C9: variants seen among roughly 807,000 people sequenced by gnomAD.
The protein encoded by C9 is complement component C9.
A neutral mutation model predicts 65.4 loss-of-function variants in C9; 63 were observed. That is an observed-to-expected ratio of 0.96 (90% CI 0.79 to 1.19). The LOEUF is 1.19. Ranked by LOEUF, C9 falls within the 50% of genes most tolerant of loss-of-function variation. The pLI is 0.00. For missense variants in C9, 744 were observed against 670.1 expected (o/e 1.11, Z -1.22); for synonymous variants, 229 against 227.9 (o/e 1.00, Z -0.04).
intron 1 of C9, among the ~76,000 whole-genome samples, chr5:39,362,512 C>G (rs1187184978): frequency 6.6e-6 from 1 of 152,124 alleles, no homozygotes; most frequent in Non-Finnish European, 1.5e-5. Flanking sequence ...AGACTTCTAA[C>G]CTCCAGAACT....
intron 5 of C9, among the ~76,000 whole-genome samples, chr5:39,321,971 T>C (rs951163102): frequency 6.6e-6 from 1 of 152,026 alleles, no homozygotes; most frequent in African/African-American, 2.4e-5. Context: ...TAAGGAAACA[T>C]TGGAACTGAA....
intron 10 of C9, among the ~76,000 whole-genome samples, chr5:39,286,808 AT>A (rs1412493286): frequency 2.2e-4 from 33 of 152,138 alleles, no homozygotes; most frequent in African/African-American, 7.5e-4. Flanking sequence ...TCATTCTAAA[AT>A]TTAAATTAAA....
At chr5:39,329,579 G>A (rs764630448) in intron 5 of C9, among the ~76,000 whole-genome samples, 36 of 152,130 alleles carry the variant, frequency 2.4e-4, no homozygotes, top group Non-Finnish European at 2.5e-4. Context: ...GAATGGATGA[G>A]AATAAGATGT....
chr5:39,312,137 T>TA (rs1753494974), intron 6 of C9, among the ~76,000 whole-genome samples: 1 of 152,182 alleles, frequency 6.6e-6, no homozygotes, highest in South Asian at 2.1e-4. Context: ...CAATGTATTT[T>TA]AAACATAGAT....
chr5:39,303,582 A>G (rs1753321951), intron 9 of C9, among the ~76,000 whole-genome samples: 1 of 150,918 alleles, frequency 6.6e-6, no homozygotes, highest in Non-Finnish European at 1.5e-5. Flanking sequence ...ATATTTTACC[A>G]CATAGTTTAC....
rs1390524731 is a variant in C9 at position 39,284,349 on chromosome 5, G to A, written c.*850C>T. ...AAGCACCATGTTCTCTAATGAATAA[G>A]ATTGTACAACCAATGTTAATCAGCT... is the stretch of plus-strand genomic sequence containing the variant. On this transcript the variant is annotated 3_prime_UTR_variant, in exon 11 of 11. Coordinates refer to ENST00000263408, the MANE Select transcript of C9 (RefSeq NM_001737.5). 6.6e-6 allele frequency: 1 copy of A among 151,872 alleles called. No individual in the cohort carries two copies. Among genetic ancestry groups the A allele is most frequent in the Admixed American group, 6.6e-5 (1 of 15,254 alleles). 9.4% of individuals were successfully genotyped at this position (151,872 alleles called of 1,614,324 possible).
rs888640450 is a variant in C9, at chr5:39,344,910, C to T, written c.78-2714G>A. On this transcript the variant is annotated intron_variant, in intron 1 of 10. Transcript: ENST00000263408. ...GAATTTTCAACCCAGAATTTCATAT[C>T]CAGCCAAACTAAGCTTCACAAGTGA... Among the ~76,000 whole-genome samples the T allele has an allele frequency of 7.2e-5, 11 of 152,130 alleles. 1 individual carries two copies. The highest frequency in any genetic ancestry group is 1.0e-4 in the Non-Finnish European group (7 of 68,032).
At chr5:39,306,349 A>G (rs1345723853) in intron 9 of C9, among the ~76,000 whole-genome samples, 1 of 152,086 alleles carries the variant, frequency 6.6e-6, no homozygotes. Context: ...AAATTCTCAG[A>G]ACAAAGATGG....
rs778847862 is a variant in C9, at chr5:39,331,700, C to T, written c.591G>A (p.Trp197Ter). The T allele has an allele frequency of 1.9e-6, 3 of 1,613,982 alleles. No homozygotes were observed. The highest frequency in any genetic ancestry group is 2.5e-6 in the Non-Finnish European group (3 of 1,179,852). Residue 197 changes from tryptophan to a stop codon, truncating the protein, a stop_gained, in exon 5 of 11, where the codon TGG (tryptophan) becomes TGA (stop). Coordinates refer to ENST00000263408, the MANE Select transcript of C9 (RefSeq NM_001737.5). LOFTEE classifies it high-confidence loss of function. ...CTTCATAGATCAAAGAAGCCACGTT[C>T]CAAGGTCTTCGGTAGTATGTCAGAG... ...GNTLTYYRRPWNVASLIYETK... is the reference protein window; with the variant it reads ...GNTLTYYRRP
At chr5:39,321,199 C>G (rs1218750995) in intron 5 of C9, among the ~76,000 whole-genome samples, 1 of 151,852 alleles carries the variant, frequency 6.6e-6, no homozygotes, top group East Asian at 1.9e-4. Context: ...AAAGACCACA[C>G]TATTAGATAT....
intron 9 of C9, among the ~76,000 whole-genome samples, chr5:39,296,875 T>TAA (rs1220050853): frequency 1.4e-5 from 2 of 143,916 alleles, no homozygotes; most frequent in African/African-American, 5.1e-5. Context: ...ATGTGGAAGC[T>TAA]AAAAAAAAAA....
At chr5:39,290,091 A>G (rs1210793240) in intron 9 of C9, among the ~76,000 whole-genome samples, 4 of 151,940 alleles carry the variant, frequency 2.6e-5, no homozygotes, top group East Asian at 1.9e-4. Context: ...GTGTCAAGGC[A>G]GAGAGAAGAC....
chr5:39,358,577 T>C (rs1429840810), intron 1 of C9, among the ~76,000 whole-genome samples: 1 of 152,108 alleles, frequency 6.6e-6, no homozygotes. Context: ...GGATGGAGAA[T>C]TGACTACTGG....
chr5:39,359,098 GTGTGTATA>G lies in C9; in HGVS notation c.77+5282_77+5289del, dbSNP rs1359995851. ...TGTGTGTATATATATATGTGTGTGT[GTGTGTATA>G]TATATATATATATATATATGTAGTA... On this transcript the variant is annotated intron_variant, in intron 1 of 10. Transcript: ENST00000263408. Among the ~76,000 whole-genome samples the G allele has an allele frequency of 2.4e-4, 23 of 96,540 alleles. 1 individual carries two copies. Among genetic ancestry groups the G allele is most frequent in the African/African-American group, 4.0e-4 (9 of 22,378 alleles). The allele number at this position is 96,540 out of a possible 152,430, so 63.3% of individuals were successfully genotyped here.
chr5:39,342,217 A>C (rs1298296547), intron 1 of C9, 21 bp from the exon 2 acceptor site: 5 of 1,236,252 alleles, frequency 4.0e-6, no homozygotes, highest in Non-Finnish European at 6.0e-6. Context: ...AGAACATCCC[A>C]GTTTATAATG....
chr5:39,319,567 C>A (rs559330992), intron 5 of C9, among the ~76,000 whole-genome samples: 4 of 152,298 alleles, frequency 2.6e-5, no homozygotes, highest in Non-Finnish European at 4.4e-5. Context: ...ACCTCAAGCA[C>A]CAGGCCAGCA....
chr5:39,348,387 A>G (rs572199488), intron 1 of C9, among the ~76,000 whole-genome samples: 1 of 152,352 alleles, frequency 6.6e-6, no homozygotes, highest in South Asian at 2.1e-4. Context: ...TCTCAAAAGA[A>G]GACATTTATG....
intron 5 of C9, among the ~76,000 whole-genome samples, chr5:39,317,634 T>C (rs952553990): frequency 2.0e-4 from 31 of 152,182 alleles, no homozygotes; most frequent in African/African-American, 7.2e-4. Context: ...GTCAGAGTTG[T>C]TGAAGATTAG....
intron 1 of C9, among the ~76,000 whole-genome samples, chr5:39,353,309 C>A (rs1754355620): frequency 6.6e-6 from 1 of 152,164 alleles, no homozygotes; most frequent in Admixed American, 6.5e-5. Context: ...TGTTTTAAGC[C>A]ACTAAGTTTG....
Sources: allele counts gnomAD v4.1 joint callset (sites outside exome capture counted in the v4.1 genomes callset), GRCh38; gene constraint gnomAD v4.1.1; transcripts MANE v1.5; gene names NCBI Gene and HGNC (gene_info 2026-07-23, HGNC 2026-07-21).